The following RYR1 variants were observed in gnomAD, a reference collection of about 807,000 sequenced individuals.
RYR1 encodes the protein central core disease of muscle.
RYR1 carries 342 observed loss-of-function variants against 583.5 expected under a neutral mutation model. The observed-to-expected ratio is 0.59, with a 90% confidence interval of 0.54 to 0.64. The LOEUF (loss-of-function observed/expected upper bound fraction) is 0.64. RYR1 is among the 30% of genes least tolerant of loss of function. The pLI, the probability that RYR1 is intolerant of heterozygous loss-of-function variation, is 0.00. For synonymous variants in RYR1, 2,791 were observed against 2,822.5 expected, an observed-to-expected ratio of 0.99 and a Z score of 0.35; for missense variants, 6,032 against 6,917.2, an observed-to-expected ratio of 0.87 and a Z score of 4.54.
chr19:38,558,274 A>T (rs190530814), intron 89 of RYR1, among the ~76,000 whole-genome samples: 12 of 152,194 alleles, frequency 7.9e-5, no homozygotes, highest in African/African-American at 2.9e-4. Flanking sequence ...TCACTCCATT[A>T]CACTCCAGCC....
chr19:38,450,981 C>T (rs1229648770), intron 11 of RYR1, among the ~76,000 whole-genome samples: 1 of 152,196 alleles, frequency 6.6e-6, no homozygotes, highest in East Asian at 1.9e-4. Context: ...TGCCCTTACT[C>T]TCTGCCTAAA....
intron 96 of RYR1, among the ~76,000 whole-genome samples, chr19:38,575,395 C>T (rs140618473): frequency 2.2e-3 from 341 of 152,272 alleles, no homozygotes; most frequent in African/African-American, 7.7e-3. Context: ...GCAGGTGGCT[C>T]ACGCCTGTAA....
intron 20 of RYR1, among the ~76,000 whole-genome samples, chr19:38,461,409 G>T (rs1326965885): frequency 6.6e-6 from 1 of 152,064 alleles, no homozygotes; most frequent in Non-Finnish European, 1.5e-5. Flanking sequence ...GATTCTGTCA[G>T]AGCAGAATCG....
intron 20 of RYR1, among the ~76,000 whole-genome samples, chr19:38,461,722 A>G (rs1338328106): frequency 3.2e-4 from 5 of 15,808 alleles, no homozygotes; most frequent in Admixed American, 5.9e-4. Context: ...CAAAACCCTG[A>G]AAAAAAAAAA....
At chr19:38,505,265 C>T (rs1970390359) in intron 52 of RYR1, 44 bp from the exon 53 acceptor site, 5 of 1,434,064 alleles carry the variant, frequency 3.5e-6, no homozygotes, top group Non-Finnish European at 4.9e-6. Context: ...CCGTGTGTCC[C>T]CAACTGCTGC....
intron 61 of RYR1, 65 bp downstream of exon 61, chr19:38,511,675 C>T: frequency 1.3e-6 from 2 of 1,541,780 alleles, no homozygotes; most frequent in Non-Finnish European, 1.8e-6. Flanking sequence ...GAAGAAATAG[C>T]TCCCAGGTTC....
rs1971498778 is a variant in RYR1, at chr19:38,527,070, G to A, written c.10686+18G>A. The A allele has an allele frequency of 6.2e-7, 1 of 1,613,272 alleles. No individual in the cohort carries two copies. Among genetic ancestry groups the A allele is most frequent in the Non-Finnish European group, 8.5e-7 (1 of 1,179,478 alleles). On this transcript the variant is annotated intron_variant, in intron 72 of 105. Coordinates refer to ENST00000359596, the MANE Select transcript of RYR1 (RefSeq NM_000540.3). ...AGGGAAAGGTATGCCTCCTTCCTCT[G>A]CAAGCAAAAGAAGCAAGTCAGAAAG... is the stretch of plus-strand genomic sequence containing the variant.
Position 38,506,907 on chromosome 19 carries a change from A to G in RYR1, c.8771A>G (p.Gln2924Arg), listed in dbSNP as rs753533928. Residue 2924 changes from glutamine (Q) to arginine (R), a missense_variant, in exon 57 of 106, where the codon CAG becomes CGG. By Grantham distance (43) the Gln-to-Arg change is conservative (BLOSUM62 1). Coordinates refer to ENST00000359596, the MANE Select transcript of RYR1 (RefSeq NM_000540.3). ...AAGGCACGAGATCGAGAGAAGGCCC[A>G]GGAGCTACTGAAATTCCTGCAGATG... ...KEKARDREKA[Q>R]ELLKFLQMNG... The G allele has an allele frequency of 3.7e-6, 6 of 1,613,300 alleles. No individual in the cohort carries two copies. In the Admixed American group the frequency reaches 6.7e-5, roughly 18 times the overall value.
At position 38,500,763 on chromosome 19, in the gene RYR1, T is replaced by G. The variant is rs1600825088; in HGVS notation, c.7444+37T>G. The G allele has an allele frequency of 6.2e-7, 1 of 1,614,048 alleles. No homozygotes were observed. Among genetic ancestry groups the G allele is most frequent in the Non-Finnish European group, 8.5e-7 (1 of 1,180,008 alleles). ...ATGGAACTTGGCGAAGGAGTGATGCTGGGGAGGGAGCGGCTGGGTCCGCAG... is the reference window on the plus strand; with the variant it reads ...ATGGAACTTGGCGAAGGAGTGATGCGGGGGAGGGAGCGGCTGGGTCCGCAG... On this transcript the variant is annotated intron_variant, in intron 46 of 105. Transcript: ENST00000359596. This position sits in a 1 kb window ranked among gnomAD's most constrained non-coding sequence, Gnocchi z 5.9.
At chr19:38,564,909 C>A in intron 90 of RYR1, 50 bp from the exon 91 acceptor site, 1 of 1,543,502 alleles carries the variant, frequency 6.5e-7, no homozygotes, top group South Asian at 1.2e-5. Context: ...TCGCTGCTGT[C>A]CGAGCCCCCG....
intron 50 of RYR1, 133 bp from the exon 51 acceptor site, chr19:38,504,615 C>T (rs1374364411): frequency 1.5e-6 from 2 of 1,297,748 alleles, no homozygotes; most frequent in African/African-American, 2.9e-5. Flanking sequence ...ATTTGGGTTT[C>T]AAGGAGAGGG....
chr19:38,522,987 G>A (rs759644348), intron 67 of RYR1, 41 bp from the exon 68 acceptor site: 2 of 1,512,052 alleles, frequency 1.3e-6, no homozygotes, highest in Admixed American at 2.0e-5. Flanking sequence ...CCTTCCCTGG[G>A]ATCCCCACCC....
Position 38,515,647 on chromosome 19 carries a change from T to A in RYR1, c.9555-440T>A, listed in dbSNP as rs113886322. Among the ~76,000 whole-genome samples, 16 of 152,172 alleles carry A rather than the reference T, an allele frequency of 1.1e-4. 2 individuals carry two copies. Among genetic ancestry groups the A allele is most frequent in the Admixed American group, 1.3e-4 (2 of 15,284 alleles). On this transcript the variant is annotated intron_variant, in intron 64 of 105. Coordinates refer to ENST00000359596, the MANE Select transcript of RYR1 (RefSeq NM_000540.3). ...CATCTCTACAAAAAAAAATTTTTTT[T>A]AATTAGCCTGGTGTGGTGTGGTGTA...
At chr19:38,485,558 C>T (rs1417204226) in intron 33 of RYR1, 32 bp from the exon 34 acceptor site, 2 of 1,605,130 alleles carry the variant, frequency 1.2e-6, no homozygotes, top group East Asian at 2.2e-5. Context: ...GCTCATTCAT[C>T]TGTCCCTGTC....
Position 38,453,033 on chromosome 19 carries a change from C to T in RYR1, c.1440+19C>T, listed in dbSNP as rs372676079. 17 of 1,550,864 alleles carry T rather than the reference C, an allele frequency of 1.1e-5. No homozygotes were observed. In the East Asian group the frequency reaches 1.7e-4, roughly 16 times the overall value. ...GGAGGAGGTGAGGACGTGGCGAGGG[C>T]GGAGCGGGGCCTGTGGGCCCAGGGG... On this transcript the variant is annotated intron_variant, in intron 13 of 105. Coordinates refer to ENST00000359596, the MANE Select transcript of RYR1 (RefSeq NM_000540.3).
At chr19:38,563,322 A>G (rs150955404) in intron 90 of RYR1, among the ~76,000 whole-genome samples, 3,164 of 152,246 alleles carry the variant, frequency 0.021, 44 homozygotes, top group Middle Eastern at 0.034. Context: ...CTGGAGTGCA[A>G]TGGCACGATC....
chr19:38,486,219 G>C lies in RYR1; in HGVS notation c.5547+17G>C, dbSNP rs752114055. ...ACCCTGCTGGTAATGGCTTCCTCCTGCTTTCCTCTGTCCCATTCTTCTCCC... is the reference window on the plus strand; with the variant it reads ...ACCCTGCTGGTAATGGCTTCCTCCTCCTTTCCTCTGTCCCATTCTTCTCCC... On this transcript the variant is annotated intron_variant, in intron 34 of 105. Coordinates refer to ENST00000359596, the MANE Select transcript of RYR1 (RefSeq NM_000540.3). 1.9e-6 allele frequency: 3 copies of C among 1,612,548 alleles called. No individual in the cohort carries two copies. In the African/African-American group the frequency reaches 4.0e-5, roughly 22 times the overall value.
intron 38 of RYR1, among the ~76,000 whole-genome samples, chr19:38,493,028 C>T (rs1568492110): frequency 6.6e-6 from 1 of 151,908 alleles, no homozygotes; most frequent in Non-Finnish European, 1.5e-5. Flanking sequence ...CAGATTGCGC[C>T]ACTGCACTCC....
At chr19:38,560,035 A>C (rs1178453390) in intron 89 of RYR1, among the ~76,000 whole-genome samples, 2 of 152,130 alleles carry the variant, frequency 1.3e-5, no homozygotes, top group East Asian at 1.9e-4. Flanking sequence ...TGCATGGGCA[A>C]TCAGCACAAG....
Sources: gnomAD v4.1 joint callset for allele counts (sites outside exome capture counted in the v4.1 genomes callset) on GRCh38, gnomAD v4.1.1 for gene constraint, Gnocchi (gnomAD v3.1) non-coding constraint, MANE v1.5 for transcripts, NCBI Gene and HGNC (gene_info 2026-07-23, HGNC 2026-07-21) for gene names.